Variants in PPIL4 observed in about 807,000 individuals in gnomAD.
PPIL4 encodes peptidylprolyl isomerase like 4.
PPIL4 carries 50 observed loss-of-function variants against 69.1 expected under a neutral mutation model. The ratio of observed to expected loss-of-function variants is 0.72; its 90% CI spans 0.58 to 0.92. PPIL4 has a LOEUF of 0.92. PPIL4 is among the 40% of genes least tolerant of loss of function. PPIL4 has a pLI of 0.00. For synonymous variants in PPIL4, 193 were observed against 191.6 expected (o/e 1.01, Z -0.06); for missense variants, 480 against 587.9 (o/e 0.82, Z 1.90).
At chr6:149,525,297 G>T in intron 8 of PPIL4, 88 bp from the exon 9 acceptor site, 1 of 657,282 alleles carries the variant, frequency 1.5e-6, no homozygotes. Flanking sequence ...GAAGAAATAA[G>T]TCAGTTACTA....
intron 11 of PPIL4, among the ~76,000 whole-genome samples, chr6:149,512,575 A>G (rs900270061): frequency 2.6e-5 from 4 of 152,222 alleles, no homozygotes; most frequent in Non-Finnish European, 5.9e-5. Flanking sequence ...TCAATAATTT[A>G]AAAAATTTAA....
At chr6:149,517,472 A>C in intron 10 of PPIL4, 22 bp from the exon 11 acceptor site, 1 of 1,325,204 alleles carries the variant, frequency 7.5e-7, no homozygotes, top group Non-Finnish European at 1.0e-6. Flanking sequence ...GAAAAGAAAA[A>C]AAGAGCTTAG....
chr6:149,513,936 T>C (rs989439971), intron 11 of PPIL4, among the ~76,000 whole-genome samples: 1 of 152,174 alleles, frequency 6.6e-6, no homozygotes, highest in Non-Finnish European at 1.5e-5. Flanking sequence ...GAATGGTGGT[T>C]TTCCAGAGAA....
chr6:149,517,991 CA>C (rs35985640), intron 10 of PPIL4: 9 of 144,542 alleles, frequency 6.2e-5, no homozygotes, highest in East Asian at 4.0e-4. Flanking sequence ...AACTCCGTTT[CA>C]AAAAAAAAAG....
Position 149,535,689 on chromosome 6 carries a change from G to A in PPIL4, c.371C>T (p.Thr124Met), listed in dbSNP as rs374395980. The A allele has an allele frequency of 5.3e-5, 85 of 1,609,884 alleles. 1 individual carries two copies. The highest frequency in any genetic ancestry group is 7.7e-5 in the South Asian group (7 of 90,810). The change falls in exon 5 of 13, where the codon ACG (threonine) becomes ATG (methionine). Residue 124 changes from threonine to methionine, a missense_variant. Coordinates refer to ENST00000253329, the MANE Select transcript of PPIL4 (RefSeq NM_139126.4). The part of the protein sequence containing the change: ...ENLDYLDGVH[T>M]VFGEVTEGMD... The stretch of plus-strand genomic sequence containing the variant: ...GCCTTCTGTCACCTCACCAAACACC[G>A]TATGGACACCATCAAGATAATCTAG...
At chr6:149,506,244 T>G (rs936513378) in intron 12 of PPIL4, among the ~76,000 whole-genome samples, 1 of 152,132 alleles carries the variant, frequency 6.6e-6, no homozygotes, top group Non-Finnish European at 1.5e-5. Context: ...TTTGGGAGGT[T>G]GAGGTGGATG....
intron 4 of PPIL4, among the ~76,000 whole-genome samples, chr6:149,539,627 GC>G (rs1777330373): frequency 6.6e-6 from 1 of 152,088 alleles, no homozygotes; most frequent in African/African-American, 2.4e-5. Flanking sequence ...CCATCTGCCT[GC>G]CTTGCCCCCG....
chr6:149,534,472 A>C (rs1325982425), intron 6 of PPIL4, among the ~76,000 whole-genome samples: 1 of 152,250 alleles, frequency 6.6e-6, no homozygotes, highest in African/African-American at 2.4e-5. Flanking sequence ...TCAGTAGAAA[A>C]GAAACTGAAG....
intron 12 of PPIL4, among the ~76,000 whole-genome samples, chr6:149,510,155 A>C (rs1165508410): frequency 6.6e-6 from 1 of 152,224 alleles, no homozygotes; most frequent in Non-Finnish European, 1.5e-5. Context: ...GAATGATGGC[A>C]ATCTTTAAAC....
chr6:149,505,059 G>T lies in PPIL4; in HGVS notation c.*394C>A. On this transcript the variant is annotated 3_prime_UTR_variant, in exon 13 of 13. Transcript: ENST00000253329. ...TCCAAATAATTATTTGAGAGGGAGAGGGCCTTAGGGAACTTCTAAAATGTC... is the reference window on the plus strand; with the variant it reads ...TCCAAATAATTATTTGAGAGGGAGATGGCCTTAGGGAACTTCTAAAATGTC... 1 of 155,134 alleles carries T rather than the reference G, an allele frequency of 6.4e-6. No individual in the cohort carries two copies. Among genetic ancestry groups the T allele is most frequent in the Non-Finnish European group, 1.4e-5 (1 of 70,180 alleles). The allele number at this position is 155,134 out of a possible 1,614,324, so 9.6% of individuals were successfully genotyped here.
chr6:149,532,923 A>C (rs1392771879), intron 7 of PPIL4, among the ~76,000 whole-genome samples: 1 of 152,218 alleles, frequency 6.6e-6, no homozygotes, highest in Non-Finnish European at 1.5e-5. Context: ...ATTATCTATG[A>C]TATGACAGGT....
chr6:149,515,444 T>C (rs1385349862), intron 11 of PPIL4, among the ~76,000 whole-genome samples: 3 of 152,228 alleles, frequency 2.0e-5, no homozygotes, highest in African/African-American at 7.2e-5. Flanking sequence ...TGCCACTTTT[T>C]TCAGTGTTGA....
Position 149,512,213 on chromosome 6 carries a change from T to C in PPIL4, c.1169A>G (p.His390Arg), listed in dbSNP as rs774053905. 6 of 1,613,588 alleles carry C rather than the reference T, an allele frequency of 3.7e-6. No homozygotes were observed. The highest frequency in any genetic ancestry group is 3.4e-6 in the Non-Finnish European group (4 of 1,179,618). The change falls in exon 12 of 13, where the codon CAT (histidine) becomes CGT (arginine). Residue 390 changes from histidine (H) to arginine (R), a missense_variant. His to Arg is a conservative substitution (Grantham distance 29). Coordinates refer to ENST00000253329, the MANE Select transcript of PPIL4 (RefSeq NM_139126.4). ...HTSKKHKKKT[H>R]HCSEEKEDED... ...ATCTTCTTTCTCTTCAGAACAGTGA[T>C]GGGTTTTCTTCTTGTGTTTTTTACT... is the stretch of plus-strand genomic sequence containing the variant.
intron 10 of PPIL4, 32 bp from the exon 11 acceptor site, chr6:149,517,482 G>T: frequency 8.8e-7 from 1 of 1,136,028 alleles, no homozygotes. Flanking sequence ...AAAGAGCTTA[G>T]TAAAAAAACC....
intron 7 of PPIL4, among the ~76,000 whole-genome samples, chr6:149,528,994 C>T (rs942810709): frequency 3.3e-5 from 5 of 150,826 alleles, no homozygotes; most frequent in African/African-American, 1.2e-4. Flanking sequence ...TTTGGGAGGC[C>T]AAGACAGGAA....
intron 7 of PPIL4, among the ~76,000 whole-genome samples, chr6:149,533,091 A>G (rs1238648242): frequency 1.3e-5 from 2 of 152,230 alleles, no homozygotes; most frequent in African/African-American, 2.4e-5. Flanking sequence ...TTTGCCCTAC[A>G]ACTACCATTC....
chr6:149,545,639 C>G (rs1777428281), intron 1 of PPIL4, among the ~76,000 whole-genome samples: 1 of 152,090 alleles, frequency 6.6e-6, no homozygotes, highest in Non-Finnish European at 1.5e-5. Context: ...ATGTGCAGCT[C>G]GAATCACACA....
At chr6:149,521,281 C>A in intron 9 of PPIL4, 110 bp from the exon 10 acceptor site, 1 of 691,024 alleles carries the variant, frequency 1.4e-6, no homozygotes. Context: ...TGTTTGAATA[C>A]TTATTACACA....
At chr6:149,526,144 CA>C (rs1348561664) in intron 8 of PPIL4, among the ~76,000 whole-genome samples, 2 of 151,938 alleles carry the variant, frequency 1.3e-5, no homozygotes, top group African/African-American at 4.8e-5. Context: ...ATCCCTGAAA[CA>C]AAAGGAAACC....
Sources: gnomAD v4.1 joint callset for allele counts (sites outside exome capture counted in the v4.1 genomes callset) on GRCh38, gnomAD v4.1.1 for gene constraint, MANE v1.5 for transcripts, NCBI Gene and HGNC (gene_info 2026-07-23, HGNC 2026-07-21) for gene names.